OPCML: variants seen among roughly 807,000 people sequenced by gnomAD.
OPCML encodes the protein opioid binding protein/cell adhesion molecule like.
OPCML carries 13 observed loss-of-function variants against 37.8 expected under a neutral mutation model. The observed-to-expected ratio is 0.34, with a 90% CI of 0.22 to 0.55. The LOEUF (loss-of-function observed/expected upper bound fraction) is 0.55, where lower values mean the gene tolerates loss of function less well. Ranked by LOEUF, OPCML falls within the 20% of genes least tolerant of loss-of-function variation. The pLI, the probability that OPCML is intolerant of heterozygous loss-of-function variation, is 0.91. For missense variants in OPCML, 341 were observed against 435.6 expected (o/e 0.78, Z 1.93); for synonymous variants, 176 against 168.8 (o/e 1.04, Z -0.33).
chr11:133,026,809 T>A (rs1947563600), intron 1 of OPCML, among the ~76,000 whole-genome samples: 1 of 151,776 alleles, frequency 6.6e-6, no homozygotes. Flanking sequence ...GCTTCATATT[T>A]AAAAAAAAAT....
Position 133,206,155 on chromosome 11 carries a change from CA to C in OPCML, c.62-263146del, listed in dbSNP as rs374604902. Reference sequence around the variant, plus strand: ...ATTTTATAAGGCTGTTTCAAGGTTTCAAAAAGACAATGCACAAAAAACTGCT... The same window carrying C: ...ATTTTATAAGGCTGTTTCAAGGTTTCAAAAGACAATGCACAAAAAACTGCT... On this transcript the variant is annotated intron_variant, in intron 1 of 7. Coordinates refer to ENST00000524381, the MANE Select transcript of OPCML (RefSeq NM_001012393.5). The surrounding 1 kb of genome is among the most constrained non-coding windows in gnomAD (Gnocchi z 4.7). Among the ~76,000 whole-genome samples the C allele has an allele frequency of 4.5e-4, 68 of 152,222 alleles. No homozygotes were observed. Among genetic ancestry groups the C allele is most frequent in the African/African-American group, 1.5e-3 (63 of 41,542 alleles).
At chr11:132,571,479 T>G (rs1477291576) in intron 3 of OPCML, among the ~76,000 whole-genome samples, 1 of 152,236 alleles carries the variant, frequency 6.6e-6, no homozygotes, top group African/African-American at 2.4e-5. Flanking sequence ...TTTGCTTTGA[T>G]GAATTTGACT....
chr11:133,159,562 G>A lies in OPCML; in HGVS notation c.62-216552C>T, dbSNP rs1950113826. ...GCTTGGAATTCACACAGTCACTACT[G>A]CCCAAATTTCAATGACTAAAGCAAG... On this transcript the variant is annotated intron_variant, in intron 1 of 7. Coordinates refer to ENST00000524381, the MANE Select transcript of OPCML (RefSeq NM_001012393.5). Among the ~76,000 whole-genome samples, 3 of 152,230 alleles carry A rather than the reference G, an allele frequency of 2.0e-5. 1 individual carries two copies. The South Asian group carries it at 6.2e-4, about 31-fold the overall frequency.
At chr11:133,086,074 A>G (rs1420613108) in intron 1 of OPCML, among the ~76,000 whole-genome samples, 4 of 152,252 alleles carry the variant, frequency 2.6e-5, no homozygotes, top group Admixed American at 2.6e-4. Context: ...ACAGTGCTAG[A>G]GAAAGCCTTT....
chr11:133,005,174 C>T, intron 1 of OPCML: 1 of 985,386 alleles, frequency 1.0e-6, no homozygotes, highest in Non-Finnish European at 1.2e-6. Flanking sequence ...CACCCAATCT[C>T]TCTAGCCCGG....
chr11:133,329,750 G>T (rs1943572658), intron 1 of OPCML, among the ~76,000 whole-genome samples: 1 of 152,142 alleles, frequency 6.6e-6, no homozygotes, highest in African/African-American at 2.4e-5. Context: ...AGAAAACCTA[G>T]GCAATACCAT....
chr11:133,213,894 G>A (rs1017089478), intron 1 of OPCML, among the ~76,000 whole-genome samples: 3 of 152,066 alleles, frequency 2.0e-5, no homozygotes, highest in Non-Finnish European at 4.4e-5. Context: ...AAACAGTAGC[G>A]TGTCACTATA....
chr11:133,502,315 G>C (rs1243903383), intron 1 of OPCML, among the ~76,000 whole-genome samples: 1 of 152,220 alleles, frequency 6.6e-6, no homozygotes, highest in Non-Finnish European at 1.5e-5. Context: ...CCCTGCAAAA[G>C]GGACAGACAG....
At position 133,205,567 on chromosome 11, in the gene OPCML, C is replaced by T. The variant is rs1326593162; in HGVS notation, c.62-262557G>A. 6.6e-6 allele frequency among the ~76,000 whole-genome samples: 1 copy of T among 152,214 alleles called. No individual in the cohort carries two copies. Among genetic ancestry groups the T allele is most frequent in the Middle Eastern group, 3.2e-3 (1 of 316 alleles). On this transcript the variant is annotated intron_variant, in intron 1 of 7. Transcript: ENST00000524381. The surrounding 1 kb of genome is among the most constrained non-coding windows in gnomAD (Gnocchi z 4.8). Reference sequence around the variant, plus strand: ...GGGACTGACGCCGTCTCCAGGTAGACAGTGTCAGAATTGAATTGAATTGGA... The same window carrying T: ...GGGACTGACGCCGTCTCCAGGTAGATAGTGTCAGAATTGAATTGAATTGGA...
At chr11:133,009,835 C>A (rs912688225) in intron 1 of OPCML, among the ~76,000 whole-genome samples, 1 of 152,148 alleles carries the variant, frequency 6.6e-6, no homozygotes. Context: ...GCTGTGTGGC[C>A]CAGTTCCTAA....
intron 1 of OPCML, among the ~76,000 whole-genome samples, chr11:133,113,105 C>CA (rs1174920335): frequency 6.6e-6 from 1 of 152,184 alleles, no homozygotes; most frequent in African/African-American, 2.4e-5. Context: ...AGCCTGGTGA[C>CA]AGTGCTGGGT....
At chr11:133,417,122 T>C (rs1490725794) in intron 1 of OPCML, among the ~76,000 whole-genome samples, 4 of 152,204 alleles carry the variant, frequency 2.6e-5, no homozygotes, top group African/African-American at 9.6e-5. Context: ...TTCATCTACA[T>C]CCTCTGTAAT....
intron 4 of OPCML, among the ~76,000 whole-genome samples, chr11:132,493,642 G>A (rs563199625): frequency 1.3e-5 from 2 of 152,302 alleles, no homozygotes; most frequent in South Asian, 4.1e-4. Context: ...CAAAAAAGGA[G>A]AAGGGGAGAA....
chr11:133,305,987 A>T (rs1942904244), intron 1 of OPCML, among the ~76,000 whole-genome samples: 1 of 152,234 alleles, frequency 6.6e-6, no homozygotes, highest in Non-Finnish European at 1.5e-5. Flanking sequence ...AACTGAAAGA[A>T]CGTCAGTGCT....
In OPCML at chr11:132,554,403, G is replaced by C. The variant is rs538863205; in HGVS notation, c.380-25217C>G. ...ATCAAAGTCTGTCAGGGACAGAATGGGTCTCAGGGCAGGAGAAAATGAAAC... is the reference window on the plus strand; with the variant it reads ...ATCAAAGTCTGTCAGGGACAGAATGCGTCTCAGGGCAGGAGAAAATGAAAC... On this transcript the variant is annotated intron_variant, in intron 3 of 7. Transcript: ENST00000524381. 7.9e-5 allele frequency among the ~76,000 whole-genome samples: 12 copies of C among 152,280 alleles called. No individual in the cohort carries two copies. In the East Asian group the frequency reaches 1.9e-3, roughly 25 times the overall value.
chr11:133,300,481 G>T (rs758148618), intron 1 of OPCML: 1 of 152,098 alleles, frequency 6.6e-6, no homozygotes, highest in African/African-American at 2.4e-5. Flanking sequence ...TCAAGGTAAG[G>T]GTGCCTCAAG....
At chr11:133,510,459 T>C (rs966474022) in intron 1 of OPCML, among the ~76,000 whole-genome samples, 3 of 152,226 alleles carry the variant, frequency 2.0e-5, no homozygotes, top group African/African-American at 7.2e-5. Context: ...TAAATGGTCT[T>C]AAGGTTCCTT....
At chr11:133,424,918 A>C (rs1945969840) in intron 1 of OPCML, among the ~76,000 whole-genome samples, 1 of 152,254 alleles carries the variant, frequency 6.6e-6, no homozygotes, top group African/African-American at 2.4e-5. Context: ...ATCTACAGCC[A>C]AACAGCTTAT....
chr11:132,760,168 G>A (rs1946209487), intron 2 of OPCML, among the ~76,000 whole-genome samples: 1 of 151,982 alleles, frequency 6.6e-6, no homozygotes, highest in African/African-American at 2.4e-5. Context: ...AGAGACTGTT[G>A]ATTATGATTT....
Sources: gnomAD v4.1 joint callset for allele counts (sites outside exome capture counted in the v4.1 genomes callset) on GRCh38, gnomAD v4.1.1 for gene constraint, Gnocchi (gnomAD v3.1) non-coding constraint, MANE v1.5 for transcripts, NCBI Gene and HGNC (gene_info 2026-07-23, HGNC 2026-07-21) for gene names.